Variants in GRIA1 observed in about 807,000 individuals in gnomAD.
GRIA1 encodes glutamate receptor 1.
Under a neutral mutation model 99.2 loss-of-function variants are expected in GRIA1, and 31 were observed. The observed-to-expected ratio is 0.31, with a 90% confidence interval of 0.23 to 0.42. The LOEUF (loss-of-function observed/expected upper bound fraction) is 0.42. GRIA1 is among the 10% of genes least tolerant of loss of function. The pLI is 1.00. For synonymous variants in GRIA1, 438 were observed against 432.4 expected (o/e 1.01, Z -0.16); for missense variants, 782 against 1,157.5 (o/e 0.68, Z 4.71).
intron 15 of GRIA1, among the ~76,000 whole-genome samples, chr5:153,809,021 G>T (rs1766628954): frequency 6.6e-6 from 1 of 152,198 alleles, no homozygotes; most frequent in Non-Finnish European, 1.5e-5. Flanking sequence ...ATGAAAATAT[G>T]TGAGCCTTAT....
intron 1 of GRIA1, chr5:153,492,295 C>G: frequency 1.3e-6 from 2 of 1,535,274 alleles, no homozygotes; most frequent in Non-Finnish European, 1.7e-6. Context: ...ACCTGTTAAG[C>G]TACATCCTGA....
chr5:153,491,029 G>A (rs1299654903), intron 1 of GRIA1, 59 bp downstream of exon 1: 2 of 1,496,112 alleles, frequency 1.3e-6, no homozygotes, highest in Non-Finnish European at 1.9e-6. Context: ...ATTTTTTTGG[G>A]GATAGGGGTT....
intron 6 of GRIA1, among the ~76,000 whole-genome samples, chr5:153,676,420 A>T (rs56368436): frequency 0.15 from 23,335 of 152,154 alleles, 1,924 homozygotes; most frequent in African/African-American, 0.2. Context: ...TTGTTGTGAG[A>T]AAGAATGAGG....
chr5:153,678,877 T>G (rs1233445791), intron 7 of GRIA1, among the ~76,000 whole-genome samples: 2 of 152,174 alleles, frequency 1.3e-5, no homozygotes, highest in African/African-American at 2.4e-5. Context: ...AACATTCACT[T>G]AGCTCTCCTG....
intron 2 of GRIA1, among the ~76,000 whole-genome samples, chr5:153,506,388 G>T (rs1755508719): frequency 6.6e-6 from 1 of 150,486 alleles, no homozygotes; most frequent in East Asian, 2.0e-4. Flanking sequence ...CTTTCACAGA[G>T]GAGGAAAATG....
chr5:153,783,784 A>G (rs746604361), intron 13 of GRIA1, among the ~76,000 whole-genome samples: 1 of 152,210 alleles, frequency 6.6e-6, no homozygotes, highest in Non-Finnish European at 1.5e-5. Context: ...CTGCCAATAG[A>G]GCTCAGATTA....
chr5:153,690,048 GA>G (rs1480983964), intron 8 of GRIA1, among the ~76,000 whole-genome samples: 1 of 152,140 alleles, frequency 6.6e-6, no homozygotes, highest in African/African-American at 2.4e-5. Flanking sequence ...GCAAATAGAA[GA>G]ATTACTGGGA....
At chr5:153,782,887 G>A (rs1764727370) in intron 13 of GRIA1, among the ~76,000 whole-genome samples, 1 of 152,194 alleles carries the variant, frequency 6.6e-6, no homozygotes, top group African/African-American at 2.4e-5. Context: ...GTTTTCAGCA[G>A]GGAATCACTT....
chr5:153,709,897 A>C (rs1370491220), intron 11 of GRIA1, among the ~76,000 whole-genome samples: 3 of 152,308 alleles, frequency 2.0e-5, no homozygotes, highest in South Asian at 2.1e-4. Context: ...GCAGGGTAGG[A>C]ATCGATATTG....
chr5:153,793,454 A>G (rs1254675180), intron 13 of GRIA1, among the ~76,000 whole-genome samples: 1 of 152,226 alleles, frequency 6.6e-6, no homozygotes, highest in Admixed American at 6.5e-5. Context: ...TCATCAGAGT[A>G]ATCCTTAGGA....
At chr5:153,657,383 T>G (rs890839995) in intron 5 of GRIA1, among the ~76,000 whole-genome samples, 1 of 152,358 alleles carries the variant, frequency 6.6e-6, no homozygotes, top group African/African-American at 2.4e-5. Flanking sequence ...TTTATTATCC[T>G]GTTCTGTCTT....
chr5:153,563,136 A>G (rs1206939267), intron 2 of GRIA1, among the ~76,000 whole-genome samples: 2 of 151,558 alleles, frequency 1.3e-5, no homozygotes, highest in African/African-American at 4.9e-5. Context: ...AGACTGTGCC[A>G]CTGCACCCCA....
intron 5 of GRIA1, among the ~76,000 whole-genome samples, chr5:153,662,520 G>A (rs1415818470): frequency 3.9e-5 from 6 of 152,150 alleles, no homozygotes; most frequent in African/African-American, 9.7e-5. Context: ...GGGAAGGCTC[G>A]TGAGGCTGCA....
chr5:153,785,010 G>GA (rs1038072775), intron 13 of GRIA1, among the ~76,000 whole-genome samples: 21 of 152,174 alleles, frequency 1.4e-4, no homozygotes, highest in Admixed American at 1.3e-3. Flanking sequence ...AAAAGAGGCA[G>GA]AAAAAATCCA....
intron 11 of GRIA1, among the ~76,000 whole-genome samples, chr5:153,725,847 C>A (rs1270699792): frequency 7.4e-6 from 1 of 135,868 alleles, no homozygotes; most frequent in Admixed American, 7.5e-5. Context: ...AGAAAATTAA[C>A]AAGGATACCC....
At chr5:153,497,615 C>T (rs1212589100) in intron 2 of GRIA1, among the ~76,000 whole-genome samples, 1 of 151,996 alleles carries the variant, frequency 6.6e-6, no homozygotes, top group Admixed American at 6.6e-5. Flanking sequence ...AAGCAAGACT[C>T]ATGATGAACT....
At chr5:153,780,659 C>A (rs1764571916) in intron 13 of GRIA1, among the ~76,000 whole-genome samples, 1 of 152,198 alleles carries the variant, frequency 6.6e-6, no homozygotes, top group Admixed American at 6.5e-5. Context: ...CAATCGAGAT[C>A]TTCCTATGAG....
intron 2 of GRIA1, among the ~76,000 whole-genome samples, chr5:153,518,886 G>A (rs142788481): frequency 1.6e-4 from 25 of 152,288 alleles, no homozygotes; most frequent in African/African-American, 5.1e-4. Context: ...GTCAGAGCCA[G>A]TGCTCTGAAG....
At chr5:153,613,200 G>A (rs113353228) in intron 2 of GRIA1, among the ~76,000 whole-genome samples, 20 of 150,174 alleles carry the variant, frequency 1.3e-4, no homozygotes, top group African/African-American at 4.1e-4. Flanking sequence ...TCCACTGAAC[G>A]GCTCCTGAAA....
Sources: gnomAD v4.1 joint callset for allele counts (sites outside exome capture counted in the v4.1 genomes callset) on GRCh38, gnomAD v4.1.1 for gene constraint, MANE v1.5 for transcripts, NCBI Gene and HGNC (gene_info 2026-07-23, HGNC 2026-07-21) for gene names.